Variants in MAGI2 observed in about 807,000 individuals in gnomAD.
MAGI2 encodes the protein membrane-associated guanylate kinase, WW and PDZ domain-containing protein 2.
A neutral mutation model predicts 133.3 loss-of-function variants in MAGI2; 35 were observed. The observed-to-expected ratio is 0.26, with a 90% CI of 0.20 to 0.35. The LOEUF (loss-of-function observed/expected upper bound fraction) is 0.35. Ranked by LOEUF, MAGI2 falls within the 10% of genes least tolerant of loss-of-function variation. MAGI2 has a pLI of 1.00. For missense variants in MAGI2, 1,636 were observed against 1,863.4 expected, an observed-to-expected ratio of 0.88 and a Z score of 2.25; for synonymous variants, 729 against 710.6, an observed-to-expected ratio of 1.03 and a Z score of -0.41.
intron 21 of MAGI2, among the ~76,000 whole-genome samples, chr7:78,076,012 A>C (rs1815249490): frequency 6.6e-6 from 1 of 152,226 alleles, no homozygotes; most frequent in Admixed American, 6.5e-5. Context: ...AAGTTTTTAC[A>C]GTCAAAATCC....
At chr7:78,647,965 G>A (rs1051631800) in intron 2 of MAGI2, among the ~76,000 whole-genome samples, 1 of 152,096 alleles carries the variant, frequency 6.6e-6, no homozygotes, top group African/African-American at 2.4e-5. Flanking sequence ...ATGGACACAG[G>A]CAGGGGAACA....
intron 1 of MAGI2, among the ~76,000 whole-genome samples, chr7:79,394,471 C>G (rs1844899435): frequency 6.6e-6 from 1 of 152,106 alleles, no homozygotes; most frequent in African/African-American, 2.4e-5. Context: ...AAACTGGTAA[C>G]CTGTTATTTC....
At chr7:79,136,904 C>T (rs1455761841) in intron 1 of MAGI2, among the ~76,000 whole-genome samples, 3 of 152,128 alleles carry the variant, frequency 2.0e-5, no homozygotes, top group African/African-American at 4.8e-5. Context: ...AACACTTGCC[C>T]GGCCTGATAG....
At chr7:78,446,287 A>C (rs1344013647) in intron 6 of MAGI2, among the ~76,000 whole-genome samples, 2 of 152,004 alleles carry the variant, frequency 1.3e-5, no homozygotes, top group Admixed American at 1.3e-4. Flanking sequence ...CTCAAGACTT[A>C]ATTTTTAAAA....
intron 2 of MAGI2, among the ~76,000 whole-genome samples, chr7:78,785,787 G>A (rs1047999269): frequency 2.0e-5 from 3 of 152,168 alleles, no homozygotes; most frequent in Admixed American, 6.5e-5. Context: ...ATTTTAAAAT[G>A]TTATGCAATT....
At chr7:78,067,872 G>A (rs759042878) in intron 21 of MAGI2, among the ~76,000 whole-genome samples, 1 of 152,164 alleles carries the variant, frequency 6.6e-6, no homozygotes, top group Admixed American at 6.6e-5. Flanking sequence ...TGGACTTATG[G>A]TAAAAAATAC....
At chr7:79,434,398 G>A (rs1847998743) in intron 1 of MAGI2, among the ~76,000 whole-genome samples, 4 of 152,062 alleles carry the variant, frequency 2.6e-5, no homozygotes, top group Admixed American at 2.6e-4. Context: ...TTTCACAACA[G>A]TTTCAGTGTA....
intron 10 of MAGI2, among the ~76,000 whole-genome samples, chr7:78,240,417 AG>A (rs2150904695): frequency 6.6e-6 from 1 of 152,350 alleles, no homozygotes; most frequent in African/African-American, 2.4e-5. Context: ...CAATGGATAA[AG>A]AAAATGTGTT....
intron 4 of MAGI2, chr7:78,509,466 C>T (rs1394741804): frequency 6.6e-6 from 1 of 152,130 alleles, no homozygotes; most frequent in African/African-American, 2.4e-5. Flanking sequence ...TTCAGAAGGG[C>T]TCAAAGATCT....
chr7:78,117,268 T>C (rs1819961483), intron 20 of MAGI2, among the ~76,000 whole-genome samples: 1 of 151,944 alleles, frequency 6.6e-6, no homozygotes, highest in African/African-American at 2.4e-5. Flanking sequence ...ATAACATAGA[T>C]ATAAAAATCT....
chr7:78,369,440 T>TACA (rs1793706121), intron 6 of MAGI2, among the ~76,000 whole-genome samples: 1 of 152,102 alleles, frequency 6.6e-6, no homozygotes, highest in Non-Finnish European at 1.5e-5. Context: ...CACTGCTCGG[T>TACA]CTAGCCATTT....
At chr7:78,590,152 GTTCCTAAA>G (rs1430063782) in intron 3 of MAGI2, among the ~76,000 whole-genome samples, 11 of 152,218 alleles carry the variant, frequency 7.2e-5, no homozygotes. Flanking sequence ...AGACTGTTGT[GTTCCTAAA>G]TTTATTACCT....
intron 6 of MAGI2, among the ~76,000 whole-genome samples, chr7:78,382,264 A>G (rs187053742): frequency 6.2e-4 from 95 of 152,242 alleles, no homozygotes; most frequent in Non-Finnish European, 8.8e-4. Context: ...GGTGGTATGA[A>G]CAGACGAGTG....
rs886267239 is a variant in MAGI2 at position 78,938,270 on chromosome 7, A to G, written c.418+68820T>C. On this transcript the variant is annotated intron_variant, in intron 2 of 21. Coordinates refer to ENST00000354212, the MANE Select transcript of MAGI2 (RefSeq NM_012301.4). Reference sequence around the variant, plus strand: ...TATTAACATACAAAGAGATATTGAAAGAGAAGAATCAATGTTTCAGGAAGT... The same window carrying G: ...TATTAACATACAAAGAGATATTGAAGGAGAAGAATCAATGTTTCAGGAAGT... Among the ~76,000 whole-genome samples the G allele has an allele frequency of 9.2e-5, 14 of 152,262 alleles. No individual in the cohort carries two copies. In the East Asian group the frequency reaches 2.3e-3, roughly 25 times the overall value.
chr7:79,267,645 G>A (rs1013291569), intron 1 of MAGI2, among the ~76,000 whole-genome samples: 2 of 152,092 alleles, frequency 1.3e-5, no homozygotes, highest in African/African-American at 2.4e-5. Context: ...AGGTGTAGGG[G>A]CAAAGAGAAT....
intron 2 of MAGI2, among the ~76,000 whole-genome samples, chr7:78,923,293 C>T (rs1315853232): frequency 6.6e-6 from 1 of 152,080 alleles, no homozygotes; most frequent in Non-Finnish European, 1.5e-5. Flanking sequence ...AATGGTAATG[C>T]CTAGGTTTTC....
intron 16 of MAGI2, chr7:78,158,188 T>C (rs935796005): frequency 6.6e-6 from 1 of 152,226 alleles, no homozygotes; most frequent in Admixed American, 6.5e-5. Flanking sequence ...ATTTTAGGAC[T>C]ACAACGTACG....
intron 1 of MAGI2, among the ~76,000 whole-genome samples, chr7:79,068,944 G>T (rs565302654): frequency 6.6e-6 from 1 of 151,816 alleles, no homozygotes; most frequent in South Asian, 2.1e-4. Flanking sequence ...TTACACTGTG[G>T]TCTGAGAGAC....
At chr7:78,955,375 A>T (rs1340955243) in intron 2 of MAGI2, among the ~76,000 whole-genome samples, 1 of 152,182 alleles carries the variant, frequency 6.6e-6, no homozygotes, top group Admixed American at 6.6e-5. Context: ...GTAATATGTA[A>T]TAAAGCACAG....
Sources: allele counts gnomAD v4.1 joint callset (sites outside exome capture counted in the v4.1 genomes callset), GRCh38; gene constraint gnomAD v4.1.1; transcripts MANE v1.5; gene names NCBI Gene and HGNC (gene_info 2026-07-23, HGNC 2026-07-21).